The following MICU1 variants were observed in gnomAD, a reference collection of about 807,000 sequenced individuals.
The protein encoded by MICU1 is calcium uptake protein 1, mitochondrial.
Under a neutral mutation model 56.8 loss-of-function variants are expected in MICU1, and 45 were observed. The ratio of observed to expected loss-of-function variants is 0.79; its 90% CI spans 0.62 to 1.02. MICU1 has a LOEUF of 1.02. Ranked by LOEUF, MICU1 falls within the 50% of genes least tolerant of loss-of-function variation. The probability of loss-of-function intolerance (pLI) is 0.00; values close to 1 mark genes in which losing one functional copy is unlikely to be tolerated. For missense variants in MICU1, 504 were observed against 587.1 expected, an observed-to-expected ratio of 0.86 and a Z score of 1.46; for synonymous variants, 186 against 195.1, an observed-to-expected ratio of 0.95 and a Z score of 0.39.
intron 5 of MICU1, among the ~76,000 whole-genome samples, chr10:72,522,399 T>C (rs1371082720): frequency 2.0e-5 from 3 of 152,254 alleles, no homozygotes; most frequent in African/African-American, 7.2e-5. Context: ...TGATCCCAAA[T>C]TCAAACACAA....
intron 1 of MICU1, among the ~76,000 whole-genome samples, chr10:72,608,393 C>T (rs1461040389): frequency 6.6e-6 from 1 of 152,036 alleles, no homozygotes; most frequent in Admixed American, 6.6e-5. Flanking sequence ...TTTTGTCTAA[C>T]CTAAATACCA....
At chr10:72,616,106 C>T (rs1271523398) in intron 1 of MICU1, among the ~76,000 whole-genome samples, 2 of 152,210 alleles carry the variant, frequency 1.3e-5, no homozygotes, top group Admixed American at 6.5e-5. Context: ...ATTCTATCAT[C>T]TGTGTCACTT....
At chr10:72,516,330 G>A (rs7093346) in intron 5 of MICU1, among the ~76,000 whole-genome samples, 95,227 of 152,022 alleles carry the variant, frequency 0.63, 31,338 homozygotes, top group African/African-American at 0.72. Context: ...AATTCTGGAT[G>A]TTAGCCCTTT....
At chr10:72,456,874 TG>T (rs1865479071) in intron 8 of MICU1, among the ~76,000 whole-genome samples, 1 of 124,692 alleles carries the variant, frequency 8.0e-6, no homozygotes, top group South Asian at 2.4e-4. Flanking sequence ...TGTGTGTGTG[TG>T]TGTGTGTGTG....
Position 72,497,042 on chromosome 10 carries a change from C to T in MICU1, c.652+11113G>A, listed in dbSNP as rs554275020. Among the ~76,000 whole-genome samples, 82 of 152,180 alleles carry T rather than the reference C, an allele frequency of 5.4e-4. 2 individuals are homozygous for T. The highest frequency in any genetic ancestry group is 2.9e-3 in the Admixed American group (44 of 15,270). On this transcript the variant is annotated intron_variant, in intron 6 of 11. Transcript: ENST00000361114. ...TCCCTTTGTGTACCCTTTAAATTCCCCAACAAAACAAATAAGAGTTTTCTT... is the reference window on the plus strand; with the variant it reads ...TCCCTTTGTGTACCCTTTAAATTCCTCAACAAAACAAATAAGAGTTTTCTT...
chr10:72,514,018 AT>A (rs143863281), intron 5 of MICU1, among the ~76,000 whole-genome samples: 442 of 148,908 alleles, frequency 3.0e-3, no homozygotes, highest in African/African-American at 3.8e-3. Context: ...AGCTCTGTGC[AT>A]TTTTTTTTTC....
At chr10:72,396,308 A>T (rs1293116906) in intron 10 of MICU1, among the ~76,000 whole-genome samples, 1 of 152,256 alleles carries the variant, frequency 6.6e-6, no homozygotes, top group East Asian at 1.9e-4. Flanking sequence ...CCAAAGGTAG[A>T]TGAAACCACA....
intron 10 of MICU1, among the ~76,000 whole-genome samples, chr10:72,402,700 C>T (rs770047135): frequency 3.3e-5 from 5 of 151,904 alleles, no homozygotes; most frequent in African/African-American, 4.8e-5. Flanking sequence ...TTTAGATAAC[C>T]CAAAAAGTAA....
intron 8 of MICU1, among the ~76,000 whole-genome samples, chr10:72,431,399 G>T (rs909234206): frequency 6.6e-6 from 1 of 152,094 alleles, no homozygotes. Flanking sequence ...CAAAATGCTG[G>T]GATAACAGGT....
intron 1 of MICU1, among the ~76,000 whole-genome samples, chr10:72,620,995 G>A (rs1842091565): frequency 1.3e-5 from 2 of 152,158 alleles, no homozygotes; most frequent in Admixed American, 1.3e-4. Context: ...AGCCAAGGCA[G>A]GCGGAATGCT....
intron 8 of MICU1, among the ~76,000 whole-genome samples, chr10:72,438,098 C>T: frequency 6.6e-6 from 1 of 152,184 alleles, no homozygotes; most frequent in Non-Finnish European, 1.5e-5. Context: ...AATATACATT[C>T]TTCTCAGCAC....
intron 1 of MICU1, among the ~76,000 whole-genome samples, chr10:72,579,938 C>CAA (rs111515346): frequency 1.1e-4 from 15 of 138,278 alleles, no homozygotes; most frequent in African/African-American, 3.9e-4. Flanking sequence ...ATTCAAAAAT[C>CAA]AAAAAAAAAA....
intron 5 of MICU1, among the ~76,000 whole-genome samples, chr10:72,519,018 T>C (rs1867741305): frequency 6.6e-6 from 1 of 152,224 alleles, no homozygotes; most frequent in African/African-American, 2.4e-5. Flanking sequence ...TAATTGCAGA[T>C]ACCTTACAGA....
intron 3 of MICU1, 69 bp from the exon 4 acceptor site, chr10:72,551,410 C>T (rs902704219): frequency 3.9e-6 from 4 of 1,022,204 alleles, no homozygotes; most frequent in African/African-American, 3.3e-5. Flanking sequence ...TTCTTATCAT[C>T]ACTGCTCATC....
chr10:72,412,761 G>A (rs1031351996), intron 9 of MICU1, among the ~76,000 whole-genome samples: 1 of 151,380 alleles, frequency 6.6e-6, no homozygotes, highest in African/African-American at 2.4e-5. Flanking sequence ...CGAGGCAGGG[G>A]AATTGCTTGA....
intron 8 of MICU1, among the ~76,000 whole-genome samples, chr10:72,467,468 C>A (rs923644688): frequency 1.3e-5 from 2 of 152,146 alleles, no homozygotes; most frequent in African/African-American, 4.8e-5. Context: ...TAGGCATGAG[C>A]CACCACTCCC....
At chr10:72,519,021 C>G (rs924616275) in intron 5 of MICU1, among the ~76,000 whole-genome samples, 4 of 152,138 alleles carry the variant, frequency 2.6e-5, no homozygotes, top group Admixed American at 2.6e-4. Flanking sequence ...TTGCAGATAC[C>G]TTACAGAGCA....
At chr10:72,423,207 C>A in intron 9 of MICU1, 27 bp downstream of exon 9, 1 of 1,605,588 alleles carries the variant, frequency 6.2e-7, no homozygotes, top group Non-Finnish European at 8.5e-7. Flanking sequence ...CACGGTTTCT[C>A]TTCTTCCTCC....
intron 5 of MICU1, chr10:72,524,768 G>T: frequency 8.1e-7 from 1 of 1,229,472 alleles, no homozygotes; most frequent in African/African-American, 1.6e-5. Context: ...ATGAGAAAAA[G>T]AAAAAACATT....
Sources: allele counts gnomAD v4.1 joint callset (sites outside exome capture counted in the v4.1 genomes callset), GRCh38; gene constraint gnomAD v4.1.1; transcripts MANE v1.5; gene names NCBI Gene and HGNC (gene_info 2026-07-23, HGNC 2026-07-21).